SNTG1: variants seen among roughly 807,000 people sequenced by gnomAD.
The protein encoded by SNTG1 is gamma-1-syntrophin.
SNTG1 carries 39 observed loss-of-function variants against 74.7 expected under a neutral mutation model. That is an observed-to-expected ratio of 0.52 (90% CI 0.40 to 0.68). SNTG1 has a LOEUF of 0.68. SNTG1 is among the 30% of genes least tolerant of loss of function. The pLI is 0.00. For missense variants in SNTG1, 685 were observed against 609.5 expected, an observed-to-expected ratio of 1.12 and a Z score of -1.30; for synonymous variants, 254 against 217.1, an observed-to-expected ratio of 1.17 and a Z score of -1.49.
At chr8:50,261,339 C>A (rs1430179468) in intron 2 of SNTG1, among the ~76,000 whole-genome samples, 2 of 152,074 alleles carry the variant, frequency 1.3e-5, no homozygotes, top group African/African-American at 4.8e-5. Context: ...AGAAATAAAA[C>A]TTTTCCAGAT....
chr8:50,776,715 C>A (rs1191837773), intron 18 of SNTG1, among the ~76,000 whole-genome samples: 2 of 151,524 alleles, frequency 1.3e-5, no homozygotes, highest in Non-Finnish European at 3.0e-5. Flanking sequence ...TCCAAGATAG[C>A]TTCTATAATT....
intron 13 of SNTG1, among the ~76,000 whole-genome samples, chr8:50,621,058 G>T (rs1192998683): frequency 3.5e-5 from 3 of 85,878 alleles, no homozygotes; most frequent in Non-Finnish European, 6.3e-5. Context: ...ACCATAAAGA[G>T]ATAACTTTTT....
chr8:50,576,329 A>T (rs1006076139), intron 12 of SNTG1, among the ~76,000 whole-genome samples: 37 of 152,166 alleles, frequency 2.4e-4, no homozygotes, highest in Admixed American at 1.0e-3. Flanking sequence ...TATTCTATGT[A>T]TCTATGTGCC....
Position 50,047,256 on chromosome 8 carries a change from T to C in SNTG1, c.-102-125305T>C, listed in dbSNP as rs562981310. 1.5e-4 allele frequency among the ~76,000 whole-genome samples: 23 copies of C among 152,038 alleles called. No individual in the cohort carries two copies. In the East Asian group the frequency reaches 4.5e-3, roughly 30 times the overall value. ...TGGGAGGCTGAGGTGAAAGGAATGCTTGAGCCCAGGCAGTCAATGCTGCAG... is the reference window on the plus strand; with the variant it reads ...TGGGAGGCTGAGGTGAAAGGAATGCCTGAGCCCAGGCAGTCAATGCTGCAG... On this transcript the variant is annotated intron_variant, in intron 1 of 18. Coordinates refer to ENST00000642720, the MANE Select transcript of SNTG1 (RefSeq NM_018967.5).
At chr8:50,621,568 CAATGA>C (rs1261756585) in intron 13 of SNTG1, among the ~76,000 whole-genome samples, 3 of 152,118 alleles carry the variant, frequency 2.0e-5, no homozygotes, top group Admixed American at 2.0e-4. Flanking sequence ...ATAATACAAA[CAATGA>C]AATAAGTAAG....
At chr8:50,405,572 G>A (rs1213561937) in intron 4 of SNTG1, among the ~76,000 whole-genome samples, 3 of 151,876 alleles carry the variant, frequency 2.0e-5, no homozygotes, top group Non-Finnish European at 2.9e-5. Flanking sequence ...TATGTGATTT[G>A]CAATATTTTC....
chr8:50,123,516 C>A (rs1453199170), intron 1 of SNTG1, among the ~76,000 whole-genome samples: 1 of 142,450 alleles, frequency 7.0e-6, no homozygotes, highest in Admixed American at 7.2e-5. Context: ...AACATCTTTA[C>A]ATTAAGAAAG....
intron 18 of SNTG1, among the ~76,000 whole-genome samples, chr8:50,777,668 T>G (rs2095644964): frequency 6.6e-6 from 1 of 151,676 alleles, no homozygotes; most frequent in African/African-American, 2.4e-5. Flanking sequence ...GTGAGTTTTC[T>G]TTTTTTCTCT....
At chr8:50,146,560 AAAAC>A (rs1427219429) in intron 1 of SNTG1, among the ~76,000 whole-genome samples, 3 of 151,448 alleles carry the variant, frequency 2.0e-5, no homozygotes, top group Admixed American at 2.0e-4. Context: ...ACAAACAAAC[AAAAC>A]AAAGTGGGAA....
At position 50,707,655 on chromosome 8, in the gene SNTG1, G is replaced by A. The variant is rs1336259832; in HGVS notation, c.1192-1231G>A. The stretch of plus-strand genomic sequence containing the variant: ...TAAAAACAAATACAATGCAAGGATA[G>A]GTGTTAAAAATTTGCTTCAGATAAA... On this transcript the variant is annotated intron_variant, in intron 16 of 18. Coordinates refer to ENST00000642720, the MANE Select transcript of SNTG1 (RefSeq NM_018967.5). 2.6e-5 allele frequency among the ~76,000 whole-genome samples: 4 copies of A among 152,006 alleles called. No homozygotes were observed. The East Asian group carries it at 5.8e-4, about 22-fold the overall frequency.
chr8:50,671,117 C>T (rs2095279891), intron 15 of SNTG1, among the ~76,000 whole-genome samples: 1 of 151,922 alleles, frequency 6.6e-6, no homozygotes, highest in African/African-American at 2.4e-5. Flanking sequence ...CATTACCATT[C>T]AGGACATAGA....
chr8:50,410,729 T>A (rs1437544398), intron 4 of SNTG1, among the ~76,000 whole-genome samples: 2 of 152,200 alleles, frequency 1.3e-5, no homozygotes, highest in East Asian at 3.9e-4. Context: ...GATTGGACTT[T>A]TTTTTAGATT....
rs548882135 is a variant in SNTG1 at position 50,714,406 on chromosome 8, T to A, written c.1284+5428T>A. On this transcript the variant is annotated intron_variant, in intron 17 of 18. Coordinates refer to ENST00000642720, the MANE Select transcript of SNTG1 (RefSeq NM_018967.5). ...GGAAATAAGAGAGGACACAAACAAA[T>A]GAAAAAAAAAAATTCCATGTTCATG... 4.5e-4 allele frequency among the ~76,000 whole-genome samples: 62 copies of A among 138,586 alleles called. 1 individual carries two copies. The East Asian group carries it at 7.4e-3, about 16-fold the overall frequency. 90.9% of individuals were successfully genotyped at this position (138,586 alleles called of 152,430 possible).
chr8:50,416,807 T>C (rs916484216), intron 4 of SNTG1, among the ~76,000 whole-genome samples: 2 of 152,140 alleles, frequency 1.3e-5, no homozygotes, highest in African/African-American at 4.8e-5. Context: ...AATAGAGTGA[T>C]AGCCGTGCTG....
intron 8 of SNTG1, among the ~76,000 whole-genome samples, chr8:50,468,985 C>T (rs1460389354): frequency 1.3e-5 from 2 of 152,154 alleles, no homozygotes; most frequent in Non-Finnish European, 2.9e-5. Context: ...TTAATCACCC[C>T]ACATATTGTT....
intron 1 of SNTG1, among the ~76,000 whole-genome samples, chr8:49,927,522 TAA>T (rs962714189): frequency 1.3e-5 from 2 of 152,166 alleles, no homozygotes; most frequent in East Asian, 1.9e-4. Context: ...TTTTAAATAT[TAA>T]GTTACTTAAA....
chr8:50,314,263 A>T (rs983551184), intron 2 of SNTG1, among the ~76,000 whole-genome samples: 15 of 148,416 alleles, frequency 1.0e-4, no homozygotes, highest in African/African-American at 3.8e-4. Context: ...GTTTTTTTTT[A>T]ATTCCCTGGC....
intron 1 of SNTG1, among the ~76,000 whole-genome samples, chr8:50,020,346 A>G (rs953559097): frequency 1.3e-5 from 2 of 152,120 alleles, no homozygotes; most frequent in African/African-American, 4.8e-5. Flanking sequence ...GATGGGAGAC[A>G]CAGACAAGGC....
chr8:50,156,159 C>A (rs1452506406), intron 1 of SNTG1, among the ~76,000 whole-genome samples: 3 of 152,110 alleles, frequency 2.0e-5, no homozygotes, highest in Non-Finnish European at 2.9e-5. Flanking sequence ...CAAAACACCC[C>A]CAGGTACAGT....
Sources: gnomAD v4.1 joint callset for allele counts (sites outside exome capture counted in the v4.1 genomes callset) on GRCh38, gnomAD v4.1.1 for gene constraint, MANE v1.5 for transcripts, NCBI Gene and HGNC (gene_info 2026-07-23, HGNC 2026-07-21) for gene names.